Variants in ERC2 observed in about 807,000 individuals in gnomAD.
The protein encoded by ERC2 is ERC protein 2.
In ERC2, 42 loss-of-function variants were observed where a neutral mutation model predicts 114.8. The ratio of observed to expected loss-of-function variants is 0.37; its 90% CI spans 0.29 to 0.47. The LOEUF is 0.47. ERC2 is among the 20% of genes least tolerant of loss of function. ERC2 has a pLI of 0.99. For missense variants in ERC2, 939 were observed against 1,150.7 expected, an observed-to-expected ratio of 0.82 and a Z score of 2.66; for synonymous variants, 454 against 425.5, an observed-to-expected ratio of 1.07 and a Z score of -0.82.
chr3:56,285,032 T>TACACACACACAC (rs10575135), intron 3 of ERC2, among the ~76,000 whole-genome samples: 1 of 106,782 alleles, frequency 9.4e-6, no homozygotes, highest in African/African-American at 3.7e-5. Flanking sequence ...CACACACACA[T>TACACACACACAC]ACACACACAC....
intron 7 of ERC2, among the ~76,000 whole-genome samples, chr3:56,040,569 A>ACATATGTATACATATACATATACATG: frequency 1.2e-3 from 1 of 846 alleles, no homozygotes; most frequent in African/African-American, 3.0e-3. Flanking sequence ...ATAGAGATGT[A>ACATATGTATACATATACATATACATG]TATATGTATA....
At chr3:55,888,117 C>T (rs564235875) in intron 14 of ERC2, among the ~76,000 whole-genome samples, 1 of 152,338 alleles carries the variant, frequency 6.6e-6, no homozygotes, top group Non-Finnish European at 1.5e-5. Context: ...TCCAACAGAT[C>T]TATGAATCCC....
intron 17 of ERC2, among the ~76,000 whole-genome samples, chr3:55,671,949 T>C (rs868586589): frequency 3.9e-5 from 6 of 152,330 alleles, no homozygotes; most frequent in Middle Eastern, 3.4e-3. Flanking sequence ...CCCTGGCCTA[T>C]TGAAGGCTCT....
chr3:56,069,781 A>T (rs2076643403), intron 7 of ERC2, among the ~76,000 whole-genome samples: 1 of 152,224 alleles, frequency 6.6e-6, no homozygotes, highest in African/African-American at 2.4e-5. Context: ...AAAAGGAGGT[A>T]TGATAAAAAT....
chr3:55,520,092 A>C (rs570095701), intron 17 of ERC2, among the ~76,000 whole-genome samples: 37 of 151,626 alleles, frequency 2.4e-4, no homozygotes, highest in Admixed American at 6.6e-4. Context: ...ATTAGACAAA[A>C]CCTTGCACCC....
rs1385677988 is a variant in ERC2 at position 56,294,467 on chromosome 3, T to C, written c.1074+1552A>G. Reference sequence around the variant, plus strand: ...GCTGTTACCAGGTTTCCTTTCTTTGTGGCTGTTGAAATGAGTGCCTCTGTT... The same window carrying C: ...GCTGTTACCAGGTTTCCTTTCTTTGCGGCTGTTGAAATGAGTGCCTCTGTT... On this transcript the variant is annotated intron_variant, in intron 3 of 17. Transcript: ENST00000288221. Among the ~76,000 whole-genome samples, 3 of 152,250 alleles carry C rather than the reference T, an allele frequency of 2.0e-5. 1 individual carries two copies. The highest frequency in any genetic ancestry group is 2.0e-4 in the Admixed American group (3 of 15,292).
rs60633794 is a variant in ERC2 at position 55,955,248 on chromosome 3, T to TTGTGTGTGTG, written c.2268-4698_2268-4689dup. 615 of 360,780 alleles carry TTGTGTGTGTG rather than the reference T, an allele frequency of 1.7e-3. 1 individual carries two copies. The highest frequency in any genetic ancestry group is 9.7e-3 in the African/African-American group (447 of 46,300). 22.3% of individuals were successfully genotyped at this position (360,780 alleles called of 1,614,324 possible). On this transcript the variant is annotated intron_variant, in intron 12 of 17. Transcript: ENST00000288221. The stretch of plus-strand genomic sequence containing the variant: ...CAATTTATACTGTATGGTGGTGTGT[T>TTGTGTGTGTG]TGTGTGTGTGTGTGTGTGTGTGTGT...
intron 1 of ERC2, among the ~76,000 whole-genome samples, chr3:56,454,821 T>A (rs1373625111): frequency 7.4e-6 from 1 of 135,526 alleles, no homozygotes; most frequent in African/African-American, 2.9e-5. Context: ...ACTCTGTCAC[T>A]GCACTCCCAC....
At chr3:56,218,453 C>G (rs1438352242) in intron 3 of ERC2, among the ~76,000 whole-genome samples, 1 of 152,202 alleles carries the variant, frequency 6.6e-6, no homozygotes, top group East Asian at 1.9e-4. Context: ...CCATCTCACA[C>G]CAGTTAGAAT....
chr3:56,309,251 G>A (rs2056404416), intron 2 of ERC2, among the ~76,000 whole-genome samples: 1 of 152,196 alleles, frequency 6.6e-6, no homozygotes, highest in Non-Finnish European at 1.5e-5. Flanking sequence ...TAAAAGCACT[G>A]GGACTCTGGG....
At chr3:56,064,463 A>G (rs2076379268) in intron 7 of ERC2, among the ~76,000 whole-genome samples, 1 of 152,206 alleles carries the variant, frequency 6.6e-6, no homozygotes, top group African/African-American at 2.4e-5. Context: ...AAAGAAAGAA[A>G]TATCTCCACT....
chr3:55,887,585 T>C (rs2063407669), intron 14 of ERC2, among the ~76,000 whole-genome samples: 1 of 152,262 alleles, frequency 6.6e-6, no homozygotes, highest in South Asian at 2.1e-4. Flanking sequence ...CCTTCTTGAC[T>C]AGTTCTTCAC....
intron 15 of ERC2, among the ~76,000 whole-genome samples, chr3:55,700,479 T>G (rs2063165299): frequency 6.6e-6 from 1 of 152,234 alleles, no homozygotes; most frequent in Non-Finnish European, 1.5e-5. Context: ...TAGTGCCTCT[T>G]TCCTCGGGGT....
chr3:55,535,080 C>T (rs2053915345), intron 17 of ERC2, among the ~76,000 whole-genome samples: 1 of 152,150 alleles, frequency 6.6e-6, no homozygotes, highest in Admixed American at 6.5e-5. Flanking sequence ...TGACTCATCC[C>T]AGGTGTATCC....
At chr3:55,798,071 T>C (rs2070660674) in intron 14 of ERC2, among the ~76,000 whole-genome samples, 1 of 151,858 alleles carries the variant, frequency 6.6e-6, no homozygotes, top group African/African-American at 2.4e-5. Flanking sequence ...CATCAAGCAA[T>C]ATGGAGGACA....
At chr3:55,564,684 T>C (rs1438859013) in intron 17 of ERC2, among the ~76,000 whole-genome samples, 1 of 152,242 alleles carries the variant, frequency 6.6e-6, no homozygotes, top group East Asian at 1.9e-4. Context: ...TTCTGACTAA[T>C]GAAATATAAG....
At chr3:55,993,880 T>C (rs887507528) in intron 10 of ERC2, among the ~76,000 whole-genome samples, 3 of 151,998 alleles carry the variant, frequency 2.0e-5, no homozygotes, top group African/African-American at 7.2e-5. Context: ...CCTTTAGGAG[T>C]ATATTTATCT....
intron 17 of ERC2, among the ~76,000 whole-genome samples, chr3:55,529,421 T>G (rs2053535443): frequency 6.6e-6 from 1 of 152,214 alleles, no homozygotes; most frequent in Non-Finnish European, 1.5e-5. Context: ...CTGGGATTAT[T>G]ACATTCCCAA....
intron 14 of ERC2, among the ~76,000 whole-genome samples, chr3:55,844,827 G>C (rs765458867): frequency 2.4e-4 from 37 of 152,190 alleles, no homozygotes; most frequent in Non-Finnish European, 5.9e-5. Context: ...ACATATCTAT[G>C]AAAATGAATA....
Sources: gnomAD v4.1 joint callset for allele counts (sites outside exome capture counted in the v4.1 genomes callset) on GRCh38, gnomAD v4.1.1 for gene constraint, MANE v1.5 for transcripts, NCBI Gene and HGNC (gene_info 2026-07-23, HGNC 2026-07-21) for gene names.